The following HS2ST1 variants were observed in gnomAD, a reference collection of about 807,000 sequenced individuals.
HS2ST1 encodes the protein heparan sulfate 2-O-sulfotransferase 1.
In HS2ST1, 18 loss-of-function variants were observed where a neutral mutation model predicts 42.9. The ratio of observed to expected loss-of-function variants is 0.42; its 90% CI spans 0.29 to 0.62. The LOEUF (loss-of-function observed/expected upper bound fraction) is 0.62. Ranked by LOEUF, HS2ST1 falls within the 20% of genes least tolerant of loss-of-function variation. The probability of loss-of-function intolerance (pLI) is 0.21; values close to 1 mark genes in which losing one functional copy is unlikely to be tolerated. For missense variants in HS2ST1, 334 were observed against 433.8 expected, an observed-to-expected ratio of 0.77 and a Z score of 2.04; for synonymous variants, 146 against 152.9, an observed-to-expected ratio of 0.95 and a Z score of 0.33.
intron 1 of HS2ST1, among the ~76,000 whole-genome samples, chr1:87,048,235 TA>T (rs762284032): frequency 4.6e-4 from 70 of 152,328 alleles, no homozygotes; most frequent in South Asian, 1.2e-3. Context: ...TTGATTTAGG[TA>T]TATTGATTTT....
At chr1:87,103,372 G>C (rs1442920749) in intron 5 of HS2ST1, 60 bp from the exon 6 acceptor site, 2 of 1,438,816 alleles carry the variant, frequency 1.4e-6, no homozygotes, top group Admixed American at 2.2e-5. Context: ...GGTGTCAAAG[G>C]CACCAGAAAC....
At chr1:86,948,431 G>C (rs950852314) in intron 1 of HS2ST1, among the ~76,000 whole-genome samples, 4 of 152,160 alleles carry the variant, frequency 2.6e-5, no homozygotes, top group African/African-American at 9.7e-5. Flanking sequence ...GGGCCTACAC[G>C]CCTGTACCAC....
intron 1 of HS2ST1, chr1:87,046,038 C>T: frequency 4.5e-6 from 3 of 666,826 alleles, no homozygotes; most frequent in South Asian, 4.1e-5. Flanking sequence ...GCAGTTTTAC[C>T]TGAAAGCTAA....
chr1:87,024,368 G>T (rs565092851), intron 1 of HS2ST1, among the ~76,000 whole-genome samples: 1 of 152,244 alleles, frequency 6.6e-6, no homozygotes, highest in African/African-American at 2.4e-5. Context: ...TGGCGTGGTG[G>T]TGCACGACTG....
intron 1 of HS2ST1, chr1:86,934,714 T>G (rs564927207): frequency 1.2e-4 from 18 of 152,166 alleles, no homozygotes; most frequent in African/African-American, 3.9e-4. Flanking sequence ...GATCACCAGG[T>G]CAGGAGATCC....
chr1:87,057,464 C>A (rs1407216851), intron 1 of HS2ST1, among the ~76,000 whole-genome samples: 1 of 152,028 alleles, frequency 6.6e-6, no homozygotes, highest in Non-Finnish European at 1.5e-5. Flanking sequence ...TATTAAGAAC[C>A]ACTTTTAGGG....
intron 1 of HS2ST1, among the ~76,000 whole-genome samples, chr1:86,984,952 T>G (rs1483303173): frequency 6.6e-6 from 1 of 150,676 alleles, no homozygotes; most frequent in Non-Finnish European, 1.5e-5. Context: ...AGATAGGAGT[T>G]GAGTCTAATT....
At chr1:86,963,381 C>A (rs1647912659) in intron 1 of HS2ST1, among the ~76,000 whole-genome samples, 1 of 152,120 alleles carries the variant, frequency 6.6e-6, no homozygotes, top group African/African-American at 2.4e-5. Flanking sequence ...ATGCCGCCTT[C>A]AAGCATCTGT....
chr1:86,991,458 ATAGG>A (rs1300008107), intron 1 of HS2ST1, among the ~76,000 whole-genome samples: 1 of 152,194 alleles, frequency 6.6e-6, no homozygotes, highest in Non-Finnish European at 1.5e-5. Context: ...CAGGGATTGA[ATAGG>A]TAGCCTCCTG....
At chr1:86,918,702 A>C (rs1660222091) in intron 1 of HS2ST1, among the ~76,000 whole-genome samples, 1 of 151,932 alleles carries the variant, frequency 6.6e-6, no homozygotes, top group African/African-American at 2.4e-5. Context: ...GTTTTTCAAA[A>C]GATGTAGTAA....
intron 1 of HS2ST1, among the ~76,000 whole-genome samples, chr1:87,063,875 A>G (rs570691859): frequency 6.6e-6 from 1 of 152,346 alleles, no homozygotes; most frequent in South Asian, 2.1e-4. Flanking sequence ...AGTATTTTAT[A>G]GAAACCTGAG....
chr1:86,927,839 A>G (rs190510234), intron 1 of HS2ST1, among the ~76,000 whole-genome samples: 5 of 152,284 alleles, frequency 3.3e-5, no homozygotes, highest in Admixed American at 6.5e-5. Context: ...AGCTTCTGCT[A>G]TGTAGTCCCT....
chr1:86,915,645 G>A (rs1392722095), intron 1 of HS2ST1, among the ~76,000 whole-genome samples: 1 of 152,200 alleles, frequency 6.6e-6, no homozygotes, highest in Non-Finnish European at 1.5e-5. Flanking sequence ...AATGGGAGGA[G>A]ATGCTGGGAT....
At chr1:86,988,667 GT>G (rs1487779474) in intron 1 of HS2ST1, among the ~76,000 whole-genome samples, 1 of 152,154 alleles carries the variant, frequency 6.6e-6, no homozygotes, top group Admixed American at 6.5e-5. Flanking sequence ...TAAGAGATTT[GT>G]TTTCACTTTA....
chr1:87,037,732 T>A (rs1650417964), intron 1 of HS2ST1, among the ~76,000 whole-genome samples: 1 of 151,952 alleles, frequency 6.6e-6, no homozygotes, highest in Non-Finnish European at 1.5e-5. Context: ...CATTTTTAAA[T>A]TTTTTATTTG....
intron 1 of HS2ST1, among the ~76,000 whole-genome samples, chr1:86,976,760 T>C (rs904970959): frequency 8.0e-6 from 1 of 124,644 alleles, no homozygotes; most frequent in Non-Finnish European, 1.7e-5. Flanking sequence ...ATTTTTTTTT[T>C]ACTTGTTCTC....
At chr1:86,948,528 C>T (rs1275115662) in intron 1 of HS2ST1, among the ~76,000 whole-genome samples, 1 of 152,144 alleles carries the variant, frequency 6.6e-6, no homozygotes. Context: ...ATTTATTTAA[C>T]CAGGCCTCTT....
At chr1:86,943,940 C>T (rs1164523887) in intron 1 of HS2ST1, among the ~76,000 whole-genome samples, 1 of 151,930 alleles carries the variant, frequency 6.6e-6, no homozygotes, top group Non-Finnish European at 1.5e-5. Context: ...GCAGGAGAAT[C>T]GCTTGAACCC....
chr1:87,032,211 C>T (rs1428138406), intron 1 of HS2ST1, among the ~76,000 whole-genome samples: 1 of 152,044 alleles, frequency 6.6e-6, no homozygotes, highest in Non-Finnish European at 1.5e-5. Context: ...CTGATAATAC[C>T]AGGCTCACGA....
Sources: allele counts gnomAD v4.1 joint callset (sites outside exome capture counted in the v4.1 genomes callset), GRCh38; gene constraint gnomAD v4.1.1; transcripts MANE v1.5; gene names NCBI Gene and HGNC (gene_info 2026-07-23, HGNC 2026-07-21).